ADAMTS18: variants seen among roughly 807,000 people sequenced by gnomAD.
The protein encoded by ADAMTS18 is A disintegrin and metalloproteinase with thrombospondin motifs 18.
In ADAMTS18, 157 loss-of-function variants were observed where a neutral mutation model predicts 165.9. That is an observed-to-expected ratio of 0.95 (90% confidence interval 0.83 to 1.08). ADAMTS18 has a LOEUF of 1.08. Ranked by LOEUF, ADAMTS18 falls within the 50% of genes least tolerant of loss-of-function variation. The pLI, the probability that ADAMTS18 is intolerant of heterozygous loss-of-function variation, is 0.00. For synonymous variants in ADAMTS18, 782 were observed against 578.2 expected (o/e 1.35, Z -5.06); for missense variants, 2,040 against 1,534.0 (o/e 1.33, Z -5.51).
chr16:77,289,135 C>T, intron 22 of ADAMTS18, 129 bp downstream of exon 22: 1 of 1,207,468 alleles, frequency 8.3e-7, no homozygotes, highest in Non-Finnish European at 1.2e-6. Flanking sequence ...GGAGCACTGT[C>T]ACATAGACTT....
chr16:77,385,685 A>G (rs2057096679), intron 3 of ADAMTS18, among the ~76,000 whole-genome samples: 1 of 152,214 alleles, frequency 6.6e-6, no homozygotes, highest in Non-Finnish European at 1.5e-5. Context: ...TAAGTACGCT[A>G]CGTGGCATCA....
rs1261157455 is a variant in ADAMTS18 at position 77,367,524 on chromosome 16, A to G, written c.695T>C (p.Ile232Thr). 6 of 1,614,244 alleles carry G rather than the reference A, an allele frequency of 3.7e-6. No homozygotes were observed. The highest frequency in any genetic ancestry group is 4.2e-6 in the Non-Finnish European group (5 of 1,180,038). ...RNYPGYSPSHIPHASQSRETE... is the reference protein window; with the variant it reads ...RNYPGYSPSHTPHASQSRETE... ...CTCTCGACTCTGAGATGCATGGGGA[A>G]TGTGACTTGGGGAGTAACCAGGATA... is the stretch of plus-strand genomic sequence containing the variant. Residue 232 changes from isoleucine to threonine, a missense_variant, in exon 4 of 23, where the codon ATT becomes ACT. Transcript: ENST00000282849.
chr16:77,430,663 T>A (rs1464511840), intron 3 of ADAMTS18, among the ~76,000 whole-genome samples: 1 of 152,216 alleles, frequency 6.6e-6, no homozygotes, highest in Non-Finnish European at 1.5e-5. Flanking sequence ...ACTGATATTC[T>A]TGGCCTGGTG....
intron 3 of ADAMTS18, among the ~76,000 whole-genome samples, chr16:77,385,184 C>T (rs1342630307): frequency 6.6e-6 from 1 of 152,148 alleles, no homozygotes; most frequent in East Asian, 1.9e-4. Context: ...GTTGGGATTA[C>T]AGGAGTGAGC....
chr16:77,344,265 C>A (rs1199774656), intron 10 of ADAMTS18, among the ~76,000 whole-genome samples: 2 of 151,598 alleles, frequency 1.3e-5, no homozygotes, highest in Admixed American at 1.3e-4. Flanking sequence ...CTTAGAAACA[C>A]CAACACCACC....
chr16:77,369,711 T>C (rs1268321595), intron 3 of ADAMTS18, among the ~76,000 whole-genome samples: 1 of 152,126 alleles, frequency 6.6e-6, no homozygotes, highest in Non-Finnish European at 1.5e-5. Context: ...TGAAAACAAA[T>C]TGAAGAGGGG....
intron 3 of ADAMTS18, among the ~76,000 whole-genome samples, chr16:77,424,043 T>C (rs1170317555): frequency 1.3e-5 from 2 of 152,064 alleles, no homozygotes; most frequent in African/African-American, 4.8e-5. Flanking sequence ...ATCTTCACAA[T>C]CTTATGAGAG....
chr16:77,419,110 C>G (rs2057567443), intron 3 of ADAMTS18, among the ~76,000 whole-genome samples: 1 of 152,122 alleles, frequency 6.6e-6, no homozygotes, highest in South Asian at 2.1e-4. Flanking sequence ...GATCATGCCA[C>G]TGCACTCCAG....
At chr16:77,311,887 G>C (rs1336952278) in intron 16 of ADAMTS18, among the ~76,000 whole-genome samples, 3 of 152,162 alleles carry the variant, frequency 2.0e-5, no homozygotes, top group Non-Finnish European at 4.4e-5. Flanking sequence ...CATAAAGAAA[G>C]ATTTTGGAAA....
intron 7 of ADAMTS18, 125 bp from the exon 8 acceptor site, chr16:77,359,548 GGAAAAAAA>G: frequency 3.2e-6 from 2 of 626,758 alleles, no homozygotes; most frequent in Non-Finnish European, 2.7e-6. Flanking sequence ...CAGTGTTTTT[GGAAAAAAA>G]AAAAAAAAAA....
intron 12 of ADAMTS18, among the ~76,000 whole-genome samples, chr16:77,333,518 T>C (rs2056225902): frequency 6.7e-6 from 1 of 149,384 alleles, no homozygotes. Context: ...AAACAGTGTG[T>C]TCTGTTGGTG....
In ADAMTS18 at chr16:77,414,105, A is replaced by G. The variant is rs571958666; in HGVS notation, c.495+17190T>C. The stretch of plus-strand genomic sequence containing the variant: ...GCAGAGAAACAGAACCAACGTAAGT[A>G]TATAATGGCCAAGTGCCTCCAAACC... On this transcript the variant is annotated intron_variant, in intron 3 of 22. Coordinates refer to ENST00000282849, the MANE Select transcript of ADAMTS18 (RefSeq NM_199355.4). Among the ~76,000 whole-genome samples the G allele has an allele frequency of 5.9e-5, 9 of 152,350 alleles. No individual in the cohort carries two copies. The South Asian group carries it at 1.4e-3, about 25-fold the overall frequency.
At chr16:77,359,504 T>G in intron 7 of ADAMTS18, 81 bp from the exon 8 acceptor site, 1 of 1,206,714 alleles carries the variant, frequency 8.3e-7, no homozygotes. Context: ...CTCAAAATGT[T>G]CTACACAGTT....
At chr16:77,319,752 C>A in intron 16 of ADAMTS18, 97 bp downstream of exon 16, 2 of 1,596,218 alleles carry the variant, frequency 1.3e-6, no homozygotes, top group Non-Finnish European at 1.7e-6. Flanking sequence ...CAGGAAACAC[C>A]TTTGAACTAG....
At chr16:77,400,974 T>C (rs2057324139) in intron 3 of ADAMTS18, among the ~76,000 whole-genome samples, 1 of 151,872 alleles carries the variant, frequency 6.6e-6, no homozygotes, top group African/African-American at 2.4e-5. Context: ...GAAACCAAAT[T>C]GCCAGGCATG....
chr16:77,353,678 G>A, intron 10 of ADAMTS18, 55 bp downstream of exon 10: 1 of 1,610,762 alleles, frequency 6.2e-7, no homozygotes, highest in Non-Finnish European at 8.5e-7. Flanking sequence ...TTCTGTTAGG[G>A]ACACAGACAC....
chr16:77,339,142 A>G (rs6564429), intron 11 of ADAMTS18, among the ~76,000 whole-genome samples: 136,957 of 151,868 alleles, frequency 0.9, 61,965 homozygotes, highest in African/African-American at 0.96. Flanking sequence ...CAGATGAAAC[A>G]AGTAAAACCA....
chr16:77,425,416 C>T (rs951259331), intron 3 of ADAMTS18, among the ~76,000 whole-genome samples: 30 of 152,082 alleles, frequency 2.0e-4, no homozygotes, highest in African/African-American at 9.7e-5. Flanking sequence ...AATCAGACAC[C>T]GGGCAGAAGA....
intron 3 of ADAMTS18, among the ~76,000 whole-genome samples, chr16:77,426,268 A>G (rs540215352): frequency 1.3e-5 from 2 of 152,210 alleles, no homozygotes; most frequent in South Asian, 2.1e-4. Context: ...TTAATACATA[A>G]TATTATAGTA....
Sources: allele counts gnomAD v4.1 joint callset (sites outside exome capture counted in the v4.1 genomes callset), GRCh38; gene constraint gnomAD v4.1.1; transcripts MANE v1.5; gene names NCBI Gene and HGNC (gene_info 2026-07-23, HGNC 2026-07-21).